The following ELMO1 variants were observed in gnomAD, a reference collection of about 807,000 sequenced individuals.
ELMO1 encodes engulfment and cell motility 1, also known as engulfment and cell motility protein 1.
ELMO1 carries 26 observed loss-of-function variants against 98.9 expected under a neutral mutation model. The ratio of observed to expected loss-of-function variants is 0.26; its 90% confidence interval spans 0.19 to 0.36. The LOEUF is 0.36. Ranked by LOEUF, ELMO1 falls within the 10% of genes least tolerant of loss-of-function variation. The pLI is 1.00. For missense variants in ELMO1, 627 were observed against 935.2 expected, an observed-to-expected ratio of 0.67 and a Z score of 4.30; for synonymous variants, 346 against 346.0, an observed-to-expected ratio of 1.00 and a Z score of 0.00.
intron 14 of ELMO1, among the ~76,000 whole-genome samples, chr7:37,100,956 A>T (rs1358135183): frequency 1.3e-5 from 2 of 152,252 alleles, no homozygotes; most frequent in Non-Finnish European, 1.5e-5. Context: ...TGTCGTGCAT[A>T]TCAACTCACA....
At chr7:36,880,715 C>A (rs1215133811) in intron 18 of ELMO1, among the ~76,000 whole-genome samples, 1 of 152,152 alleles carries the variant, frequency 6.6e-6, no homozygotes, top group East Asian at 1.9e-4. Context: ...GAAGTAGGAA[C>A]TGGGACAAAT....
intron 1 of ELMO1, among the ~76,000 whole-genome samples, chr7:37,367,539 A>G (rs983275238): frequency 2.0e-5 from 3 of 152,240 alleles, no homozygotes; most frequent in Non-Finnish European, 4.4e-5. Flanking sequence ...AAAATTCTTC[A>G]GGAGTACAGT....
intron 16 of ELMO1, among the ~76,000 whole-genome samples, chr7:36,972,993 C>A (rs1360210402): frequency 6.6e-6 from 1 of 152,148 alleles, no homozygotes; most frequent in African/African-American, 2.4e-5. Flanking sequence ...GTTGACCAGG[C>A]TGGTCTCGAA....
At position 37,343,097 on chromosome 7, in the gene ELMO1, G is replaced by A. The variant is rs1026397131; in HGVS notation, c.-73-334C>T. 10 of 177,998 alleles carry A rather than the reference G, an allele frequency of 5.6e-5. 1 individual carries two copies. The highest frequency in any genetic ancestry group is 5.6e-4 in the Admixed American group (10 of 17,900). 11.0% of individuals were successfully genotyped at this position (177,998 alleles called of 1,614,324 possible). On this transcript the variant is annotated intron_variant, in intron 1 of 21. Coordinates refer to ENST00000310758, the MANE Select transcript of ELMO1 (RefSeq NM_014800.11). ...GGTGCCCAGGGTCTGAATGAGCCAG[G>A]CTCACTCTCTGTCCAGACATGCATA...
chr7:37,176,213 G>A (rs1310654984), intron 13 of ELMO1, among the ~76,000 whole-genome samples: 1 of 152,108 alleles, frequency 6.6e-6, no homozygotes, highest in African/African-American at 2.4e-5. Context: ...AAGACTCATC[G>A]ACTGTTATAC....
At chr7:37,082,994 A>T (rs1164003810) in intron 15 of ELMO1, among the ~76,000 whole-genome samples, 1 of 152,252 alleles carries the variant, frequency 6.6e-6, no homozygotes, top group Non-Finnish European at 1.5e-5. Flanking sequence ...GGTTACAGTC[A>T]GCATATTGGT....
At chr7:37,039,819 C>G (rs1196217108) in intron 15 of ELMO1, among the ~76,000 whole-genome samples, 1 of 152,218 alleles carries the variant, frequency 6.6e-6, no homozygotes, top group Non-Finnish European at 1.5e-5. Context: ...TCTCTCTCTA[C>G]ATGAGCAACA....
At chr7:37,023,925 G>T (rs1398079072) in intron 15 of ELMO1, among the ~76,000 whole-genome samples, 1 of 152,038 alleles carries the variant, frequency 6.6e-6, no homozygotes, top group Non-Finnish European at 1.5e-5. Context: ...CTTATTGAAG[G>T]GTACTGCAGA....
At chr7:37,326,406 T>G in intron 2 of ELMO1, among the ~76,000 whole-genome samples, 1 of 151,774 alleles carries the variant, frequency 6.6e-6, no homozygotes, top group Admixed American at 6.6e-5. Context: ...AATACAAAAA[T>G]TAGCCGGGCG....
At chr7:37,043,003 G>A (rs1048806982) in intron 15 of ELMO1, among the ~76,000 whole-genome samples, 1 of 152,222 alleles carries the variant, frequency 6.6e-6, no homozygotes, top group Non-Finnish European at 1.5e-5. Context: ...AGCTGTATAT[G>A]TAGTTCATTA....
intron 16 of ELMO1, among the ~76,000 whole-genome samples, chr7:36,920,802 C>T (rs1785087943): frequency 6.6e-6 from 1 of 152,132 alleles, no homozygotes; most frequent in East Asian, 1.9e-4. Flanking sequence ...TCTTAACTCT[C>T]CCACAAGTCA....
chr7:36,947,962 A>C (rs1787639297), intron 16 of ELMO1, among the ~76,000 whole-genome samples: 1 of 152,228 alleles, frequency 6.6e-6, no homozygotes, highest in East Asian at 1.9e-4. Context: ...GTCGAGTTCA[A>C]GTGACATAAG....
At chr7:37,006,845 C>T (rs1793166122) in intron 16 of ELMO1, among the ~76,000 whole-genome samples, 2 of 152,170 alleles carry the variant, frequency 1.3e-5, no homozygotes, top group Non-Finnish European at 2.9e-5. Context: ...ACATTGGGGT[C>T]TATTTGAACA....
chr7:37,372,560 C>T (rs1425232369), intron 1 of ELMO1, among the ~76,000 whole-genome samples: 4 of 152,312 alleles, frequency 2.6e-5, no homozygotes, highest in East Asian at 1.9e-4. Flanking sequence ...TCCTAACTTA[C>T]GTATCTCATT....
chr7:36,956,893 C>T (rs558259697), intron 16 of ELMO1, among the ~76,000 whole-genome samples: 2 of 152,304 alleles, frequency 1.3e-5, no homozygotes, highest in East Asian at 3.9e-4. Context: ...TTGCCCTTTC[C>T]CAATAACTAC....
At position 37,018,820 on chromosome 7, in the gene ELMO1, G is replaced by A. The variant is rs149955379; in HGVS notation, c.1301-5385C>T. Among the ~76,000 whole-genome samples, 54 of 151,982 alleles carry A rather than the reference G, an allele frequency of 3.6e-4. 1 individual carries two copies. The highest frequency in any genetic ancestry group is 1.2e-3 in the African/African-American group (51 of 41,446). Reference sequence around the variant, plus strand: ...AGTACATGGCATAGGCTTAGTAAACGGTGGCTATTAGTTACTATTTTTAAT... The same window carrying A: ...AGTACATGGCATAGGCTTAGTAAACAGTGGCTATTAGTTACTATTTTTAAT... On this transcript the variant is annotated intron_variant, in intron 15 of 21. Transcript: ENST00000310758.
chr7:37,061,961 AC>A (rs1473946949), intron 15 of ELMO1, among the ~76,000 whole-genome samples: 1 of 152,312 alleles, frequency 6.6e-6, no homozygotes, highest in African/African-American at 2.4e-5. Context: ...GACTTTGGAC[AC>A]AGATAAACCC....
chr7:37,308,257 A>G (rs1646852255), intron 4 of ELMO1, among the ~76,000 whole-genome samples: 1 of 152,196 alleles, frequency 6.6e-6, no homozygotes, highest in South Asian at 2.1e-4. Context: ...GAAGTCTGCA[A>G]TCCAATCGTT....
chr7:37,222,465 G>T, intron 10 of ELMO1, 150 bp downstream of exon 10: 1 of 762,724 alleles, frequency 1.3e-6, no homozygotes, highest in Non-Finnish European at 2.2e-6. Context: ...CGGGCCAGCC[G>T]TGCAGCGGAA....
Sources: gnomAD v4.1 joint callset for allele counts (sites outside exome capture counted in the v4.1 genomes callset) on GRCh38, gnomAD v4.1.1 for gene constraint, MANE v1.5 for transcripts, NCBI Gene and HGNC (gene_info 2026-07-23, HGNC 2026-07-21) for gene names.